Variants in TAOK3 observed in about 807,000 individuals in gnomAD.
TAOK3 encodes the protein serine/threonine-protein kinase TAO3.
In TAOK3, 40 loss-of-function variants were observed where a neutral mutation model predicts 120.4. That is an observed-to-expected ratio of 0.33 (90% CI 0.26 to 0.43). The LOEUF is 0.43. Ranked by LOEUF, TAOK3 falls within the 20% of genes least tolerant of loss-of-function variation. TAOK3 has a pLI of 1.00. For synonymous variants in TAOK3, 355 were observed against 387.5 expected (o/e 0.92, Z 0.99); for missense variants, 821 against 1,112.1 (o/e 0.74, Z 3.72).
chr12:118,296,202 G>C (rs1331270392), intron 1 of TAOK3, among the ~76,000 whole-genome samples: 1 of 152,124 alleles, frequency 6.6e-6, no homozygotes, highest in African/African-American at 2.4e-5. Context: ...TGCGATCTTG[G>C]CTCACTGCAA....
chr12:118,278,870 G>A (rs1483785932), intron 1 of TAOK3, among the ~76,000 whole-genome samples: 2 of 151,798 alleles, frequency 1.3e-5, no homozygotes, highest in Non-Finnish European at 2.9e-5. Context: ...GCAGTGGTGC[G>A]GTCTCGGCTC....
chr12:118,201,887 C>A (rs938343062), intron 11 of TAOK3, among the ~76,000 whole-genome samples: 4 of 151,996 alleles, frequency 2.6e-5, no homozygotes, highest in Non-Finnish European at 5.9e-5. Context: ...CTATAGTCCT[C>A]ATGCTGTACA....
chr12:118,203,516 C>T (rs553914838), intron 11 of TAOK3, among the ~76,000 whole-genome samples: 1 of 152,004 alleles, frequency 6.6e-6, no homozygotes, highest in East Asian at 1.9e-4. Flanking sequence ...ACCAGCCTGG[C>T]CAACATGGTG....
chr12:118,176,616 T>C (rs1341921730), intron 16 of TAOK3, among the ~76,000 whole-genome samples: 1 of 152,148 alleles, frequency 6.6e-6, no homozygotes, highest in African/African-American at 2.4e-5. Flanking sequence ...GGGAGCTTGT[T>C]AGAAACACAA....
At chr12:118,212,129 C>T (rs2038663590) in intron 11 of TAOK3, among the ~76,000 whole-genome samples, 1 of 152,110 alleles carries the variant, frequency 6.6e-6, no homozygotes. Context: ...CAAATTGAGG[C>T]AATACAACTC....
At chr12:118,354,983 T>C (rs1159210642) in intron 1 of TAOK3, among the ~76,000 whole-genome samples, 1 of 152,034 alleles carries the variant, frequency 6.6e-6, no homozygotes, top group Non-Finnish European at 1.5e-5. Flanking sequence ...CCCTTGAGTC[T>C]AGGAGTTTGA....
chr12:118,279,771 T>A (rs187009016), intron 1 of TAOK3, among the ~76,000 whole-genome samples: 1 of 149,830 alleles, frequency 6.7e-6, no homozygotes, highest in South Asian at 2.1e-4. Flanking sequence ...TATTGTTGTT[T>A]TTTTTTTTTT....
chr12:118,313,990 C>T (rs565005209), intron 1 of TAOK3, among the ~76,000 whole-genome samples: 8 of 152,314 alleles, frequency 5.3e-5, no homozygotes, highest in African/African-American at 1.9e-4. Context: ...CAAGAGCCCA[C>T]TAGTGAAGAG....
At chr12:118,363,234 A>T (rs916129845) in intron 1 of TAOK3, among the ~76,000 whole-genome samples, 1 of 152,134 alleles carries the variant, frequency 6.6e-6, no homozygotes, top group Non-Finnish European at 1.5e-5. Flanking sequence ...ACCAACTGTC[A>T]GGGTCACAAG....
chr12:118,242,075 A>T (rs1303335817), intron 5 of TAOK3, among the ~76,000 whole-genome samples: 1 of 151,168 alleles, frequency 6.6e-6, no homozygotes, highest in East Asian at 1.9e-4. Context: ...CAACAAGAGC[A>T]AAACTCTGTC....
Position 118,199,110 on chromosome 12 carries a change from C to G in TAOK3, c.1135G>C (p.Val379Leu). ...EVMDESSSEL[V>L]MMHDDESTIN... is the part of the protein sequence containing the mutation. Reference sequence around the variant, plus strand: ...GTGCTTTCGTCATCGTGCATCATGACAAGTTCGGAACTGCTCTCGTCCATG... The same window carrying G: ...GTGCTTTCGTCATCGTGCATCATGAGAAGTTCGGAACTGCTCTCGTCCATG... The change falls in exon 13 of 21, where the codon GTC (valine) becomes CTC (leucine). Residue 379 changes from valine (V) to leucine (L), a missense_variant. Physicochemically the swap from Val to Leu is conservative, Grantham distance 32. Transcript: ENST00000392533. 1 of 1,614,148 alleles carries G rather than the reference C, an allele frequency of 6.2e-7. No individual in the cohort carries two copies. Among genetic ancestry groups the G allele is most frequent in the Non-Finnish European group, 8.5e-7 (1 of 1,180,040 alleles).
chr12:118,285,848 G>A (rs139991333), intron 1 of TAOK3, among the ~76,000 whole-genome samples: 1 of 152,276 alleles, frequency 6.6e-6, no homozygotes, highest in East Asian at 1.9e-4. Flanking sequence ...AGGGAGAAAT[G>A]AGACATCAAT....
rs74973933 is a variant in TAOK3, at chr12:118,187,065, C to G, written c.1329+2742G>C. ...AAACAAATTTTAGGAAGACTAATATCTTTGTCAGTTTGCAAGTAAATTTAA... is the reference window on the plus strand; with the variant it reads ...AAACAAATTTTAGGAAGACTAATATGTTTGTCAGTTTGCAAGTAAATTTAA... On this transcript the variant is annotated intron_variant, in intron 14 of 20. Coordinates refer to ENST00000392533, the MANE Select transcript of TAOK3 (RefSeq NM_016281.4). 3.2e-3 allele frequency among the ~76,000 whole-genome samples: 484 copies of G among 152,262 alleles called. 2 individuals are homozygous for G. The highest frequency in any genetic ancestry group is 5.6e-3 in the Non-Finnish European group (378 of 68,010).
chr12:118,151,424 C>T (rs1476111091), intron 20 of TAOK3, among the ~76,000 whole-genome samples: 1 of 152,118 alleles, frequency 6.6e-6, no homozygotes, highest in East Asian at 1.9e-4. Flanking sequence ...TTGGGGTCCA[C>T]CTGGGGCTGG....
At chr12:118,210,218 G>T (rs1213661256) in intron 11 of TAOK3, among the ~76,000 whole-genome samples, 3 of 151,480 alleles carry the variant, frequency 2.0e-5, no homozygotes, top group Non-Finnish European at 4.4e-5. Flanking sequence ...TCTTCTTTTT[G>T]CTTCATCTCT....
At chr12:118,174,836 T>A (rs2036226481) in intron 16 of TAOK3, among the ~76,000 whole-genome samples, 2 of 152,092 alleles carry the variant, frequency 1.3e-5, no homozygotes, top group Admixed American at 1.3e-4. Context: ...GCTAATTTTG[T>A]ATTTTTATAG....
At chr12:118,247,419 T>A (rs1050161792) in intron 3 of TAOK3, among the ~76,000 whole-genome samples, 1 of 152,154 alleles carries the variant, frequency 6.6e-6, no homozygotes, top group African/African-American at 2.4e-5. Flanking sequence ...AAAGTACATA[T>A]GAAAACCATT....
At chr12:118,259,040 T>C (rs1317667184) in intron 2 of TAOK3, among the ~76,000 whole-genome samples, 2 of 152,092 alleles carry the variant, frequency 1.3e-5, no homozygotes, top group Admixed American at 1.3e-4. Flanking sequence ...AATGTAAAAA[T>C]GAGACCATAA....
At chr12:118,269,274 G>T (rs1177671525) in intron 1 of TAOK3, among the ~76,000 whole-genome samples, 2 of 151,706 alleles carry the variant, frequency 1.3e-5, no homozygotes, top group East Asian at 3.9e-4. Flanking sequence ...CGATTCTCAT[G>T]CCTCAGCCTC....
Sources: allele counts gnomAD v4.1 joint callset (sites outside exome capture counted in the v4.1 genomes callset), GRCh38; gene constraint gnomAD v4.1.1; transcripts MANE v1.5; gene names NCBI Gene and HGNC (gene_info 2026-07-23, HGNC 2026-07-21).